OR7E24: variants seen among roughly 807,000 people sequenced by gnomAD.
OR7E24 encodes olfactory receptor 7E24.
For missense variants in OR7E24, 385 were observed against 410.3 expected, an observed-to-expected ratio of 0.94 and a Z score of 0.53; for synonymous variants, 130 against 157.5, an observed-to-expected ratio of 0.83 and a Z score of 1.31.
upstream of OR7E24, chr19:9,250,906 A>G: frequency 1.5e-6 from 1 of 646,956 alleles, no homozygotes; most frequent in Non-Finnish European, 2.7e-6. Context: ...CACAAAATCA[A>G]TTATGAAGTA....
At chr19:9,247,886 C>T (rs1411560531), upstream of OR7E24, among the ~76,000 whole-genome samples, 4 of 152,092 alleles carry the variant, frequency 2.6e-5, no homozygotes, top group African/African-American at 7.2e-5. Flanking sequence ...TTTGTATGCT[C>T]ATTGGCTGTT....
At position 9,251,795 on chromosome 19, in the gene OR7E24, G is replaced by A. The variant is rs1251245858; in HGVS notation, c.752G>A (p.Gly251Glu). 6.2e-7 allele frequency: 1 copy of A among 1,612,856 alleles called. No individual in the cohort carries two copies. Among genetic ancestry groups the A allele is most frequent in the East Asian group, 2.2e-5 (1 of 44,868 alleles). ...SPILRVPTSD[G>E]KYKAFSTCGS... ...ATTCTGAGAGTTCCAACATCAGATG[G>A]GAAGTATAAAGCCTTCTCCACCTGT... is the stretch of plus-strand genomic sequence containing the variant. The change falls in exon 1 of 1, where the codon GGG (glycine) becomes GAG (glutamate). Residue 251 changes from glycine (G) to glutamate (E), a missense_variant. Transcript: ENST00000456448.
the OR7E24 span, among the ~76,000 whole-genome samples, chr19:9,220,575 T>G: frequency 1.3e-5 from 2 of 152,234 alleles, no homozygotes; most frequent in Non-Finnish European, 2.9e-5. Context: ...CATATTCCAT[T>G]GTGTATATAT....
chr19:9,229,618 G>T, the OR7E24 span, among the ~76,000 whole-genome samples: 2 of 151,952 alleles, frequency 1.3e-5, no homozygotes, highest in African/African-American at 4.8e-5. Flanking sequence ...TCCAACTAAA[G>T]AAAGAGTTTC....
chr19:9,214,281 T>G, the OR7E24 span: 1 of 1,614,124 alleles, frequency 6.2e-7, no homozygotes, highest in Non-Finnish European at 8.5e-7. Flanking sequence ...GCAGGCCACC[T>G]TGAGGACCTG....
upstream of OR7E24, among the ~76,000 whole-genome samples, chr19:9,246,466 T>TGGTGTGTGTGTGTG (rs1555720675): frequency 3.2e-4 from 42 of 131,064 alleles, no homozygotes; most frequent in African/African-American, 1.0e-3. Context: ...CTTAAAGGTA[T>TGGTGTGTGTGTGTG]TGTGTGTGTG....
chr19:9,218,512 T>A, the OR7E24 span, among the ~76,000 whole-genome samples: 1 of 152,182 alleles, frequency 6.6e-6, no homozygotes, highest in African/African-American at 2.4e-5. Flanking sequence ...CAATGGTTGT[T>A]TTAATACCAC....
chr19:9,250,057 TC>T (rs894318191), upstream of OR7E24, among the ~76,000 whole-genome samples: 5 of 152,186 alleles, frequency 3.3e-5, no homozygotes, highest in African/African-American at 1.2e-4. Context: ...ATCAGTGATG[TC>T]CTGGTAATTA....
At chr19:9,209,229 A>C in the OR7E24 span, 4 of 152,174 alleles carry the variant, frequency 2.6e-5, no homozygotes, top group African/African-American at 9.7e-5. Flanking sequence ...TTCATCACTC[A>C]TATATTGGGC....
Position 9,251,460 on chromosome 19 carries a change from C to G in OR7E24, c.417C>G (p.Asp139Glu). 6.2e-7 allele frequency: 1 copy of G among 1,614,136 alleles called. No homozygotes were observed. Residue 139 changes from aspartate (D) to glutamate (E), a missense_variant, in exon 1 of 1, where the codon GAC (aspartate) becomes GAG (glutamate). Physicochemically the swap from Asp to Glu is conservative, Grantham distance 45. Transcript: ENST00000456448. The part of the protein sequence containing the change: ...DDMLLSVMAY[D>E]RFVAICHPLH... ...TGCTCCTGAGTGTGATGGCCTATGA[C>G]CGGTTTGTGGCCATCTGTCACCCCC...
the OR7E24 span, chr19:9,214,504 T>A: frequency 1.1e-5 from 18 of 1,613,978 alleles, no homozygotes; most frequent in Non-Finnish European, 1.5e-5. Flanking sequence ...AGTAGGAAAG[T>A]ATCCATTCCA....
At chr19:9,235,359 T>C in the OR7E24 span, 1 of 1,432,438 alleles carries the variant, frequency 7.0e-7, no homozygotes, top group African/African-American at 1.4e-5. Context: ...TGGACACCTG[T>C]TTCATCTGCA....
rs573131540 is a variant in OR7E24, at chr19:9,252,254, A to G, written c.*191A>G. The G allele has an allele frequency of 1.3e-4, 69 of 536,710 alleles. No individual in the cohort carries two copies. The Admixed American group carries it at 1.4e-3, about 11-fold the overall frequency. The allele number at this position is 536,710 out of a possible 1,614,324, so 33.2% of individuals were successfully genotyped here. On this transcript the variant is annotated 3_prime_UTR_variant, in exon 1 of 1. Coordinates refer to ENST00000456448, the MANE Select transcript of OR7E24 (RefSeq NM_001079935.2). The stretch of plus-strand genomic sequence containing the variant: ...ATCATACACATCATGAATGATTCCA[A>G]TATACCTAGACAGCCTCCTTTAGTA...
upstream of OR7E24, among the ~76,000 whole-genome samples, chr19:9,245,099 C>T (rs1472887464): frequency 6.6e-6 from 1 of 152,058 alleles, no homozygotes; most frequent in Non-Finnish European, 1.5e-5. Flanking sequence ...CCTATAGTCC[C>T]AGCTACTCAG....
At chr19:9,231,074 C>A in the OR7E24 span, among the ~76,000 whole-genome samples, 1 of 152,036 alleles carries the variant, frequency 6.6e-6, no homozygotes, top group Non-Finnish European at 1.5e-5. Flanking sequence ...CCATGACCAG[C>A]TAATTTTTGT....
upstream of OR7E24, among the ~76,000 whole-genome samples, chr19:9,246,301 C>G (rs1362072949): frequency 6.6e-6 from 1 of 151,946 alleles, no homozygotes; most frequent in East Asian, 1.9e-4. Context: ...ATCTCCTGAC[C>G]TCGTGATCTG....
In OR7E24 at chr19:9,251,443, A is replaced by G; in HGVS notation, c.400A>G (p.Ser134Gly). The G allele has an allele frequency of 6.2e-7, 1 of 1,614,074 alleles. No homozygotes were observed. Among genetic ancestry groups the G allele is most frequent in the Non-Finnish European group, 8.5e-7 (1 of 1,180,018 alleles). ...TGCATGTATGGATGACATGCTCCTG[A>G]GTGTGATGGCCTATGACCGGTTTGT... ...LFACMDDMLL[S>G]VMAYDRFVAI... is the part of the protein sequence containing the mutation. The change falls in exon 1 of 1, where the codon AGT (serine) becomes GGT (glycine). Residue 134 changes from serine (S) to glycine (G), a missense_variant. Coordinates refer to ENST00000456448, the MANE Select transcript of OR7E24 (RefSeq NM_001079935.2).
At chr19:9,235,643 C>A in the OR7E24 span, 2 of 1,591,138 alleles carry the variant, frequency 1.3e-6, no homozygotes, top group East Asian at 2.2e-5. Context: ...AAGAGGCTGA[C>A]CTTCTCCACA....
At chr19:9,240,874 G>A in the OR7E24 span, among the ~76,000 whole-genome samples, 4 of 152,116 alleles carry the variant, frequency 2.6e-5, no homozygotes, top group African/African-American at 9.7e-5. Flanking sequence ...CTGGAGTGCA[G>A]AGGTGTGATC....
Sources: gnomAD v4.1 joint callset for allele counts (sites outside exome capture counted in the v4.1 genomes callset) on GRCh38, gnomAD v4.1.1 for gene constraint, MANE v1.5 for transcripts, NCBI Gene and HGNC (gene_info 2026-07-23, HGNC 2026-07-21) for gene names.